The following PRKN variants were observed in gnomAD, a reference collection of about 807,000 sequenced individuals.
PRKN encodes the protein E3 ubiquitin-protein ligase parkin.
PRKN carries 56 observed loss-of-function variants against 59.5 expected under a neutral mutation model. The observed-to-expected ratio is 0.94, with a 90% CI of 0.76 to 1.18. PRKN has a LOEUF of 1.18. PRKN is among the 50% of genes most tolerant of loss of function. PRKN has a pLI of 0.00. For missense variants in PRKN, 657 were observed against 596.4 expected (o/e 1.10, Z -1.06); for synonymous variants, 250 against 222.1 (o/e 1.13, Z -1.12).
At chr6:162,380,146 C>G (rs1483747239) in intron 2 of PRKN, among the ~76,000 whole-genome samples, 1 of 151,944 alleles carries the variant, frequency 6.6e-6, no homozygotes, top group Admixed American at 6.6e-5. Context: ...AATATTTCAT[C>G]TAATAGACTG....
chr6:161,453,031 A>T (rs1420566497), intron 9 of PRKN, among the ~76,000 whole-genome samples: 2 of 152,202 alleles, frequency 1.3e-5, no homozygotes, highest in South Asian at 2.1e-4. Flanking sequence ...ACAGGACCAC[A>T]CACATTCTTC....
chr6:161,996,838 G>A (rs1437619206), intron 5 of PRKN, among the ~76,000 whole-genome samples: 1 of 151,880 alleles, frequency 6.6e-6, no homozygotes, highest in Non-Finnish European at 1.5e-5. Context: ...GGGGAAAAAC[G>A]TTTTATTTTT....
chr6:161,460,904 C>A lies in PRKN; in HGVS notation c.1084-74027G>T, dbSNP rs150272946. Among the ~76,000 whole-genome samples the A allele has an allele frequency of 0.012, 1,800 of 152,038 alleles. 22 individuals carry two copies. The highest frequency in any genetic ancestry group is 0.041 in the African/African-American group (1,711 of 41,474). On this transcript the variant is annotated intron_variant, in intron 9 of 11. Coordinates refer to ENST00000366898, the MANE Select transcript of PRKN (RefSeq NM_004562.3). The surrounding 1 kb of genome is among the most constrained non-coding windows in gnomAD (Gnocchi z 5.0). Reference sequence around the variant, plus strand: ...AGCTGGGACTACAGGTACGCACCACCACGCCCAGCTAATTTTTCTTTCTTT... The same window carrying A: ...AGCTGGGACTACAGGTACGCACCACAACGCCCAGCTAATTTTTCTTTCTTT...
At chr6:162,203,976 T>C (rs534460927) in intron 3 of PRKN, among the ~76,000 whole-genome samples, 1 of 152,294 alleles carries the variant, frequency 6.6e-6, no homozygotes, top group Non-Finnish European at 1.5e-5. Flanking sequence ...TTCGCCACGT[T>C]TGGGTTCCCT....
chr6:162,364,260 C>T (rs1461695239), intron 2 of PRKN, among the ~76,000 whole-genome samples: 3 of 152,158 alleles, frequency 2.0e-5, no homozygotes, highest in African/African-American at 7.2e-5. Context: ...CAATGCATTG[C>T]TCTTTAAAAT....
intron 5 of PRKN, among the ~76,000 whole-genome samples, chr6:162,053,867 T>C (rs1292476991): frequency 6.6e-6 from 1 of 151,948 alleles, no homozygotes; most frequent in South Asian, 2.1e-4. Flanking sequence ...TTCCACACGG[T>C]CCCCCCAAAT....
chr6:162,080,388 T>C (rs1335356978), intron 4 of PRKN, among the ~76,000 whole-genome samples: 1 of 151,994 alleles, frequency 6.6e-6, no homozygotes, highest in Admixed American at 6.5e-5. Context: ...CCTAAAACAC[T>C]GTAATGTTAG....
Position 162,443,365 on chromosome 6 carries a change from T to A in PRKN, c.116A>T (p.Asp39Val). The A allele has an allele frequency of 6.2e-7, 1 of 1,613,518 alleles. No homozygotes were observed. The highest frequency in any genetic ancestry group is 8.5e-7 in the Non-Finnish European group (1 of 1,180,014). The stretch of plus-strand genomic sequence containing the variant: ...CCCTGCGAAAATCACACGCAACTGG[T>A]CAGCCGGAACCCCCTGTCGCTTAGC... The part of the protein sequence containing the change: ...VVAKRQGVPA[D>V]QLRVIFAGKE... The change falls in exon 2 of 12, where the codon GAC becomes GTC. Residue 39 changes from aspartate (D) to valine (V), a missense_variant. By Grantham distance (152) the Asp-to-Val change is radical. Coordinates refer to ENST00000366898, the MANE Select transcript of PRKN (RefSeq NM_004562.3).
At chr6:162,384,880 G>A (rs1278658625) in intron 2 of PRKN, among the ~76,000 whole-genome samples, 12 of 152,080 alleles carry the variant, frequency 7.9e-5, no homozygotes, top group Non-Finnish European at 1.8e-4. Flanking sequence ...AGGCATCAGA[G>A]GCAGCATTAC....
chr6:162,164,278 C>T lies in PRKN; in HGVS notation c.534+36853G>A, dbSNP rs1319467947. ...CGGTCTTGCTCTGTCCTCTGGAGGG[C>T]AGTGGCACTATCTCGGCTCTGCAAC... On this transcript the variant is annotated intron_variant, in intron 4 of 11. Coordinates refer to ENST00000366898, the MANE Select transcript of PRKN (RefSeq NM_004562.3). 1.3e-5 allele frequency among the ~76,000 whole-genome samples: 2 copies of T among 149,186 alleles called. 1 individual carries two copies. The highest frequency in any genetic ancestry group is 5.0e-5 in the African/African-American group (2 of 39,676).
chr6:161,630,603 A>G (rs1372904026), intron 7 of PRKN, among the ~76,000 whole-genome samples: 3 of 152,170 alleles, frequency 2.0e-5, no homozygotes, highest in African/African-American at 7.2e-5. Flanking sequence ...GTTGCCATTT[A>G]CCAGAGTCAA....
chr6:161,548,710 T>A lies in PRKN; in HGVS notation c.1083+144A>T. 1 of 780,842 alleles carries A rather than the reference T, an allele frequency of 1.3e-6. No homozygotes were observed. Among genetic ancestry groups the A allele is most frequent in the Non-Finnish European group, 2.1e-6 (1 of 472,242 alleles). 48.4% of individuals were successfully genotyped at this position (780,842 alleles called of 1,614,324 possible). On this transcript the variant is annotated intron_variant, in intron 9 of 11. Coordinates refer to ENST00000366898, the MANE Select transcript of PRKN (RefSeq NM_004562.3). This position sits in a 1 kb window ranked among gnomAD's most constrained non-coding sequence, Gnocchi z 4.2. ...AAATCTGGAGTCCTATAAAGGAATTTAAAATCTATTTTCTTATATGTAAGT... is the reference window on the plus strand; with the variant it reads ...AAATCTGGAGTCCTATAAAGGAATTAAAAATCTATTTTCTTATATGTAAGT...
At chr6:161,888,178 A>G (rs116820252) in intron 6 of PRKN, among the ~76,000 whole-genome samples, 5 of 152,150 alleles carry the variant, frequency 3.3e-5, no homozygotes, top group Non-Finnish European at 5.9e-5. Flanking sequence ...GAACATTAAT[A>G]TCATGTTCCA....
At chr6:161,387,223 G>A (rs1786296668) in intron 9 of PRKN, among the ~76,000 whole-genome samples, 1 of 152,170 alleles carries the variant, frequency 6.6e-6, no homozygotes. Flanking sequence ...TGTGTCATGG[G>A]AAAGACCTGG....
At chr6:161,911,975 C>T (rs1408643019) in intron 6 of PRKN, among the ~76,000 whole-genome samples, 3 of 151,932 alleles carry the variant, frequency 2.0e-5, no homozygotes, top group Non-Finnish European at 4.4e-5. Context: ...GTCAGGAGTT[C>T]GTGACCAGCC....
chr6:161,941,164 C>T (rs765590923), intron 6 of PRKN, among the ~76,000 whole-genome samples: 3 of 152,192 alleles, frequency 2.0e-5, no homozygotes, highest in Non-Finnish European at 4.4e-5. Flanking sequence ...TTTTCATTTT[C>T]CTGCCCCAAT....
chr6:162,207,350 T>C (rs923298947), intron 3 of PRKN, among the ~76,000 whole-genome samples: 4 of 152,120 alleles, frequency 2.6e-5, no homozygotes, highest in African/African-American at 9.6e-5. Context: ...CCAGCCTGGG[T>C]GACAGAGCGA....
At chr6:161,887,197 C>T (rs1227157736) in intron 6 of PRKN, among the ~76,000 whole-genome samples, 1 of 152,150 alleles carries the variant, frequency 6.6e-6, no homozygotes, top group Non-Finnish European at 1.5e-5. Flanking sequence ...TGTTGGATTA[C>T]TGTAGCACTG....
At chr6:161,980,514 A>C (rs951747699) in intron 5 of PRKN, among the ~76,000 whole-genome samples, 2 of 152,232 alleles carry the variant, frequency 1.3e-5, no homozygotes, top group Non-Finnish European at 2.9e-5. Flanking sequence ...GCACAGAAGA[A>C]CTAAACAGAG....
Sources: gnomAD v4.1 joint callset for allele counts (sites outside exome capture counted in the v4.1 genomes callset) on GRCh38, gnomAD v4.1.1 for gene constraint, Gnocchi (gnomAD v3.1) non-coding constraint, MANE v1.5 for transcripts, NCBI Gene and HGNC (gene_info 2026-07-23, HGNC 2026-07-21) for gene names.